The following KMT2C variants were observed in gnomAD, a reference collection of about 807,000 sequenced individuals.
KMT2C encodes the protein histone-lysine N-methyltransferase 2C.
Under a neutral mutation model 507.9 loss-of-function variants are expected in KMT2C, and 88 were observed. The observed-to-expected ratio is 0.17, with a 90% CI of 0.15 to 0.21. The LOEUF (loss-of-function observed/expected upper bound fraction) is 0.21, where lower values mean the gene tolerates loss of function less well. Among genes scored for constraint, KMT2C ranks in the 10% least tolerant of loss-of-function variants. The probability of loss-of-function intolerance (pLI) is 1.00; values close to 1 mark genes in which losing one functional copy is unlikely to be tolerated. For synonymous variants in KMT2C, 2,049 were observed against 2,080.8 expected (o/e 0.98, Z 0.42); for missense variants, 4,954 against 5,957.8 (o/e 0.83, Z 5.55).
chr7:152,242,581 A>G (rs2095406560), intron 14 of KMT2C, among the ~76,000 whole-genome samples: 1 of 152,152 alleles, frequency 6.6e-6, no homozygotes, highest in Non-Finnish European at 1.5e-5. Context: ...ATTTAACCCA[A>G]AAACAGTTTA....
chr7:152,340,340 A>C (rs1333422916), intron 2 of KMT2C, among the ~76,000 whole-genome samples: 1 of 152,046 alleles, frequency 6.6e-6, no homozygotes, highest in Non-Finnish European at 1.5e-5. Context: ...ACTCCAGAGA[A>C]TGGCAATACT....
rs2129115283 is a variant in KMT2C, at chr7:152,177,710, A to G, written c.7743T>C (p.Val2581=). The change falls in exon 38 of 59, where the codon GTT becomes GTC. Residue 2581 remains valine (V), a synonymous_variant. Coordinates refer to ENST00000262189, the MANE Select transcript of KMT2C (RefSeq NM_170606.3). ...RLPFSAPPGS[V]VEASSNLRHG... ...GTCTCAGATTAGAAGATGCCTCTAC[A>G]ACGCTGCCAGGTGGAGCACTGAAAG... is the stretch of plus-strand genomic sequence containing the variant. The G allele has an allele frequency of 6.2e-7, 1 of 1,614,130 alleles. No homozygotes were observed. The highest frequency in any genetic ancestry group is 1.3e-5 in the African/African-American group (1 of 75,018).
At chr7:152,190,856 A>G (rs1171244889) in intron 31 of KMT2C, among the ~76,000 whole-genome samples, 2 of 152,202 alleles carry the variant, frequency 1.3e-5, no homozygotes, top group Admixed American at 6.5e-5. Flanking sequence ...CAACCTTCCC[A>G]TGGTCCAATG....
intron 6 of KMT2C, among the ~76,000 whole-genome samples, chr7:152,282,900 TTA>T (rs2096244358): frequency 6.6e-6 from 1 of 152,144 alleles, no homozygotes; most frequent in Non-Finnish European, 1.5e-5. Flanking sequence ...TAAGAGAATT[TTA>T]GATAAAAACT....
chr7:152,345,775 C>T (rs1319337104), intron 2 of KMT2C, among the ~76,000 whole-genome samples: 1 of 152,116 alleles, frequency 6.6e-6, no homozygotes, highest in Non-Finnish European at 1.5e-5. Flanking sequence ...CCTGCCTCAG[C>T]CTCCTAAAGT....
chr7:152,274,500 G>A (rs112732161), intron 6 of KMT2C, among the ~76,000 whole-genome samples: 1 of 151,968 alleles, frequency 6.6e-6, no homozygotes, highest in African/African-American at 2.4e-5. Flanking sequence ...CTTGCAAGTG[G>A]TAAAACGCAC....
chr7:152,192,085 A>C (rs944733712), intron 31 of KMT2C, among the ~76,000 whole-genome samples: 9 of 152,252 alleles, frequency 5.9e-5, no homozygotes, highest in East Asian at 1.9e-4. Flanking sequence ...CCTTTTAAAA[A>C]TGAGACTGCA....
At chr7:152,219,765 G>A (rs2094706825) in intron 23 of KMT2C, among the ~76,000 whole-genome samples, 1 of 152,092 alleles carries the variant, frequency 6.6e-6, no homozygotes, top group African/African-American at 2.4e-5. Context: ...AACTCAGCAG[G>A]CTGAGCAGAG....
At chr7:152,216,022 C>T (rs1222516739) in intron 23 of KMT2C, among the ~76,000 whole-genome samples, 2 of 152,166 alleles carry the variant, frequency 1.3e-5, no homozygotes, top group Non-Finnish European at 2.9e-5. Context: ...TCCCACTCTC[C>T]AGTAGTTACT....
chr7:152,409,036 T>C (rs2097653255), intron 1 of KMT2C, among the ~76,000 whole-genome samples: 1 of 151,952 alleles, frequency 6.6e-6, no homozygotes, highest in African/African-American at 2.4e-5. Context: ...TACCCAGGCT[T>C]AGTGTTACCC....
chr7:152,169,344 G>A, intron 40 of KMT2C, 95 bp from the exon 41 acceptor site: 1 of 699,376 alleles, frequency 1.4e-6, no homozygotes. Context: ...AGAAATGGAA[G>A]AAAAAACCCT....
chr7:152,435,541 G>A, intron 1 of KMT2C, 85 bp downstream of exon 1: 2 of 799,884 alleles, frequency 2.5e-6, no homozygotes, highest in Non-Finnish European at 3.1e-6. Flanking sequence ...GCCGGGGCGC[G>A]GAGGCCGCGG....
intron 18 of KMT2C, among the ~76,000 whole-genome samples, chr7:152,227,804 A>C: frequency 6.6e-6 from 1 of 152,238 alleles, no homozygotes; most frequent in East Asian, 1.9e-4. Context: ...GGGAAAGTAC[A>C]TCTACTGGGA....
At chr7:152,393,436 C>T (rs1249877986) in intron 1 of KMT2C, among the ~76,000 whole-genome samples, 3 of 152,096 alleles carry the variant, frequency 2.0e-5, no homozygotes, top group African/African-American at 7.2e-5. Flanking sequence ...ATCGACTTAA[C>T]AGAAAAATGG....
chr7:152,229,695 T>A (rs978153280), intron 18 of KMT2C, among the ~76,000 whole-genome samples: 9 of 152,180 alleles, frequency 5.9e-5, no homozygotes, highest in Admixed American at 5.2e-4. Context: ...ATGCATATAT[T>A]TTTATGTTTT....
At chr7:152,139,404 G>T in intron 56 of KMT2C, 145 bp from the exon 57 acceptor site, 1 of 725,700 alleles carries the variant, frequency 1.4e-6, no homozygotes, top group Non-Finnish European at 2.3e-6. Flanking sequence ...AGGCACAGAT[G>T]ACATTTACAT....
intron 23 of KMT2C, among the ~76,000 whole-genome samples, chr7:152,218,110 C>T (rs2094634691): frequency 6.6e-6 from 1 of 152,126 alleles, no homozygotes; most frequent in Admixed American, 6.5e-5. Flanking sequence ...AACATAGACC[C>T]AAAACACACT....
In KMT2C at chr7:152,300,284, C is replaced by T. The variant is rs182659573; in HGVS notation, c.849+9682G>A. On this transcript the variant is annotated intron_variant, in intron 6 of 58. Transcript: ENST00000262189. ...GTTTGCACAGTTGGTCCTAGGCTGG[C>T]TTCTGAGAACTTGAATTTCAAGAGG... is the stretch of plus-strand genomic sequence containing the variant. 1.6e-4 allele frequency among the ~76,000 whole-genome samples: 25 copies of T among 152,302 alleles called. No individual in the cohort carries two copies. In the East Asian group the frequency reaches 4.4e-3, roughly 27 times the overall value.
At chr7:152,270,418 C>T (rs1248625232) in intron 7 of KMT2C, among the ~76,000 whole-genome samples, 1 of 152,130 alleles carries the variant, frequency 6.6e-6, no homozygotes, top group African/African-American at 2.4e-5. Flanking sequence ...GTAGCATTTC[C>T]ATGTTTAAAC....
Sources: allele counts gnomAD v4.1 joint callset (sites outside exome capture counted in the v4.1 genomes callset), GRCh38; gene constraint gnomAD v4.1.1; transcripts MANE v1.5; gene names NCBI Gene and HGNC (gene_info 2026-07-23, HGNC 2026-07-21).